Variants in TMPRSS4 observed in about 807,000 individuals in gnomAD.
TMPRSS4 encodes the protein transmembrane protease serine 4.
Under a neutral mutation model 56.4 loss-of-function variants are expected in TMPRSS4, and 45 were observed. The observed-to-expected ratio is 0.80, with a 90% CI of 0.63 to 1.02. The LOEUF (loss-of-function observed/expected upper bound fraction) is 1.02, where lower values mean the gene tolerates loss of function less well. TMPRSS4 is among the 50% of genes least tolerant of loss of function. The pLI is 0.00. For synonymous variants in TMPRSS4, 205 were observed against 211.0 expected (o/e 0.97, Z 0.25); for missense variants, 546 against 556.7 (o/e 0.98, Z 0.19).
rs1386450641 is a variant in TMPRSS4 at position 118,113,307 on chromosome 11, G to A, written c.782G>A (p.Gly261Asp). The change falls in exon 9 of 13, where the codon GGC becomes GAC. Residue 261 changes from glycine to aspartate, a missense_variant. Physicochemically the swap from Gly to Asp is moderately conservative, Grantham distance 94. Coordinates refer to ENST00000437212, the MANE Select transcript of TMPRSS4 (RefSeq NM_019894.4). ...TDVFNWKVRA[G>D]SDKLGSFPSL... ...GTGTTCAACTGGAAGGTGCGGGCAG[G>A]CTCAGACAAACTGGGCAGCTTCCCA... The A allele has an allele frequency of 1.2e-6, 2 of 1,614,112 alleles. No individual in the cohort carries two copies. Among genetic ancestry groups the A allele is most frequent in the Non-Finnish European group, 1.7e-6 (2 of 1,180,014 alleles).
At chr11:118,106,413 C>T (rs992235449) in intron 5 of TMPRSS4, 1 of 152,020 alleles carries the variant, frequency 6.6e-6, no homozygotes, top group East Asian at 1.9e-4. Context: ...CTCTCTAGAT[C>T]GGAGGCCCTT....
chr11:118,120,168 T>A lies in TMPRSS4; in HGVS notation c.*2255T>A, dbSNP rs879148983. ...TTCAAGTTTCACCCATGTTGTAGCATGTGTCAGAATTTCTTCCCTTTTTAG... is the reference window on the plus strand; with the variant it reads ...TTCAAGTTTCACCCATGTTGTAGCAAGTGTCAGAATTTCTTCCCTTTTTAG... On this transcript the variant is annotated 3_prime_UTR_variant, in exon 13 of 13. Transcript: ENST00000437212. 3 of 152,274 alleles carry A rather than the reference T, an allele frequency of 2.0e-5. No homozygotes were observed. Among genetic ancestry groups the A allele is most frequent in the Non-Finnish European group, 2.9e-5 (2 of 68,048 alleles). The allele number at this position is 152,274 out of a possible 1,614,324, so 9.4% of individuals were successfully genotyped here.
chr11:118,088,166 C>T (rs746409676), intron 1 of TMPRSS4: 4 of 152,230 alleles, frequency 2.6e-5, no homozygotes, highest in Non-Finnish European at 5.9e-5. Context: ...ATGAAATCAA[C>T]AGTCCACCAA....
downstream of TMPRSS4, among the ~76,000 whole-genome samples, chr11:118,124,845 G>T (rs374009115): frequency 1.3e-5 from 2 of 152,266 alleles, no homozygotes; most frequent in Non-Finnish European, 1.5e-5. Flanking sequence ...CAAAAGTAAC[G>T]TGAGCACCAG....
intron 3 of TMPRSS4, among the ~76,000 whole-genome samples, chr11:118,101,204 C>T (rs753508832): frequency 6.6e-6 from 1 of 152,152 alleles, no homozygotes; most frequent in Non-Finnish European, 1.5e-5. Context: ...CAATTCTCCA[C>T]GTCCCTGTTT....
Position 118,113,406 on chromosome 11 carries a change from T to A in TMPRSS4, c.881T>A (p.Met294Lys). Residue 294 changes from methionine to lysine, a missense_variant, in exon 9 of 13, where the codon ATG becomes AAG. By Grantham distance (95) the Met-to-Lys change is moderately conservative. Transcript: ENST00000437212. ...CCCAAAGACAATGACATCGCCCTCA[T>A]GAAGCTGCAGTTCCCACTCACTTTC... ...MYPKDNDIALMKLQFPLTFSG... is the reference protein window; with the variant it reads ...MYPKDNDIALKKLQFPLTFSG... 1 of 1,614,158 alleles carries A rather than the reference T, an allele frequency of 6.2e-7. No homozygotes were observed. Among genetic ancestry groups the A allele is most frequent in the South Asian group, 1.1e-5 (1 of 91,072 alleles).
At chr11:118,097,314 A>G (rs1173165559) in intron 2 of TMPRSS4, among the ~76,000 whole-genome samples, 1 of 150,936 alleles carries the variant, frequency 6.6e-6, no homozygotes, top group East Asian at 1.9e-4. Flanking sequence ...GCTTTGGAAG[A>G]AAAAAAAAGC....
chr11:118,118,099 A>G lies in TMPRSS4; in HGVS notation c.*186A>G. 6.9e-7 allele frequency: 1 copy of G among 1,441,274 alleles called. No individual in the cohort carries two copies. Among genetic ancestry groups the G allele is most frequent in the Non-Finnish European group, 9.1e-7 (1 of 1,103,500 alleles). 89.3% of individuals were successfully genotyped at this position (1,441,274 alleles called of 1,614,324 possible). A position where few individuals can be genotyped will look rare whatever the true frequency, so the allele number is the denominator to read the frequency against. ...AGACCCTCGCAGCCCAGAGGCGCCC[A>G]GAGGAAGTCAGCAGCCCTAGCTCGG... On this transcript the variant is annotated 3_prime_UTR_variant, in exon 13 of 13. Coordinates refer to ENST00000437212, the MANE Select transcript of TMPRSS4 (RefSeq NM_019894.4).
At chr11:118,080,181 G>A (rs1422164606) in intron 1 of TMPRSS4, among the ~76,000 whole-genome samples, 2 of 152,206 alleles carry the variant, frequency 1.3e-5, no homozygotes, top group East Asian at 3.8e-4. Context: ...TACCCCTGGA[G>A]CTGAAAAAGC....
At position 118,099,001 on chromosome 11, in the gene TMPRSS4, C is replaced by T. The variant is rs369835632; in HGVS notation, c.60C>T (p.Arg20=). ...TTCTTGCAGATGTCAAACCCCTGCG[C>T]AAACCCCGTATCCCCATGGAGACCT... ...PLNSLDVKPL[R]KPRIPMETFR... The change falls in exon 3 of 13, where the codon CGC becomes CGT. Residue 20 remains arginine, a synonymous_variant. Transcript: ENST00000437212. 4.5e-5 allele frequency: 73 copies of T among 1,613,670 alleles called. No individual in the cohort carries two copies. The African/African-American group carries it at 9.2e-4, about 20-fold the overall frequency.
rs576659812 is a variant in TMPRSS4, at chr11:118,109,007, G to C, written c.583+111G>C. ...GGGACTCCAAGTTTCATTCTGCCTT[G>C]GTCTACAGCCCTTGGGCTTGTCGGT... On this transcript the variant is annotated intron_variant, in intron 7 of 12. Transcript: ENST00000437212. The C allele has an allele frequency of 1.1e-3, 1,371 of 1,269,350 alleles. 31 individuals are homozygous for C. The South Asian group carries it at 0.017, about 16-fold the overall frequency. 78.6% of individuals were successfully genotyped at this position (1,269,350 alleles called of 1,614,324 possible).
Position 118,103,103 on chromosome 11 carries a change from A to C in TMPRSS4, c.160A>C (p.Lys54Gln). ...CTCTCCCTGCACTTGCCTTCCAGTC[A>C]AGGTGATTCTGGATAAATACTACTT... is the stretch of plus-strand genomic sequence containing the variant. ...ASIIIVVVLI[K>Q]VILDKYYFLC... Residue 54 changes from lysine (K) to glutamine (Q), a missense_variant and splice_region_variant, in exon 4 of 13, where the codon AAG becomes CAG. Transcript: ENST00000437212. 6.2e-7 allele frequency: 1 copy of C among 1,614,040 alleles called. No individual in the cohort carries two copies. Among genetic ancestry groups the C allele is most frequent in the Non-Finnish European group, 8.5e-7 (1 of 1,179,982 alleles).
rs1431014253 is a variant in TMPRSS4 at position 118,118,003 on chromosome 11, C to T, written c.*90C>T. The T allele has an allele frequency of 6.2e-6, 10 of 1,607,538 alleles. No homozygotes were observed. Among genetic ancestry groups the T allele is most frequent in the African/African-American group, 1.3e-5 (1 of 74,792 alleles). On this transcript the variant is annotated 3_prime_UTR_variant, in exon 13 of 13. Coordinates refer to ENST00000437212, the MANE Select transcript of TMPRSS4 (RefSeq NM_019894.4). The stretch of plus-strand genomic sequence containing the variant: ...CAAAGTCAGACACAGAGCAAGAGTC[C>T]CCTTGGGTACACCCCTCTGCCCACA...
intron 1 of TMPRSS4, among the ~76,000 whole-genome samples, chr11:118,079,378 G>A (rs185014637): frequency 3.3e-5 from 5 of 152,090 alleles, no homozygotes; most frequent in East Asian, 1.9e-4. Flanking sequence ...GAGCTGCTGC[G>A]TCTTAATGAC....
intron 2 of TMPRSS4, among the ~76,000 whole-genome samples, chr11:118,097,313 G>GA (rs545562296): frequency 9.3e-5 from 14 of 150,378 alleles, no homozygotes; most frequent in Admixed American, 3.3e-4. Context: ...TGCTTTGGAA[G>GA]AAAAAAAAAG....
chr11:118,112,021 G>A lies in TMPRSS4; in HGVS notation c.743+121G>A, dbSNP rs946446952. On this transcript the variant is annotated intron_variant, in intron 8 of 12. Transcript: ENST00000437212. ...CTCTCCCACTAGAGACGTTTTCCAG[G>A]TTGTGGTGGCCCCAATGAGACAATG... 6.5e-6 allele frequency: 9 copies of A among 1,386,184 alleles called. No homozygotes were observed. In the African/African-American group the frequency reaches 1.4e-4, roughly 21 times the overall value. 85.9% of individuals were successfully genotyped at this position (1,386,184 alleles called of 1,614,324 possible).
At chr11:118,124,828 C>A (rs1203727248), downstream of TMPRSS4, among the ~76,000 whole-genome samples, 2 of 152,232 alleles carry the variant, frequency 1.3e-5, no homozygotes, top group African/African-American at 4.8e-5. Context: ...GTAATATCAA[C>A]AAATTTCAAA....
chr11:118,089,336 A>T (rs904716617), intron 1 of TMPRSS4, among the ~76,000 whole-genome samples: 2 of 152,250 alleles, frequency 1.3e-5, no homozygotes, highest in Non-Finnish European at 2.9e-5. Context: ...CAGTAAGGGC[A>T]GAGCATGGTG....
At chr11:118,110,879 A>G (rs11216767) in intron 7 of TMPRSS4, among the ~76,000 whole-genome samples, 182 of 152,284 alleles carry the variant, frequency 1.2e-3, no homozygotes, top group African/African-American at 4.2e-3. Flanking sequence ...ATCTTTTTGG[A>G]TCAAAAACAG....
Sources: allele counts gnomAD v4.1 joint callset (sites outside exome capture counted in the v4.1 genomes callset), GRCh38; gene constraint gnomAD v4.1.1; transcripts MANE v1.5; gene names NCBI Gene and HGNC (gene_info 2026-07-23, HGNC 2026-07-21).